CNTNAP2: variants seen among roughly 807,000 people sequenced by gnomAD.
CNTNAP2 encodes contactin associated protein 2.
A neutral mutation model predicts 155.2 loss-of-function variants in CNTNAP2; 98 were observed. The observed-to-expected ratio is 0.63, with a 90% CI of 0.54 to 0.75. CNTNAP2 has a LOEUF of 0.75. CNTNAP2 is among the 30% of genes least tolerant of loss of function. The pLI is 0.00. For synonymous variants in CNTNAP2, 651 were observed against 631.2 expected, an observed-to-expected ratio of 1.03 and a Z score of -0.47; for missense variants, 1,727 against 1,688.1, an observed-to-expected ratio of 1.02 and a Z score of -0.40.
chr7:146,227,163 C>G (rs1332160926), intron 1 of CNTNAP2, among the ~76,000 whole-genome samples: 1 of 152,062 alleles, frequency 6.6e-6, no homozygotes, highest in Admixed American at 6.5e-5. Flanking sequence ...TGGTGGCTCA[C>G]GCCTGTATTC....
At chr7:147,078,624 T>A (rs565878767) in intron 4 of CNTNAP2, among the ~76,000 whole-genome samples, 98 of 152,164 alleles carry the variant, frequency 6.4e-4, no homozygotes, top group African/African-American at 2.2e-3. Context: ...GAACTATAGG[T>A]CCCCTGGCCA....
intron 21 of CNTNAP2, among the ~76,000 whole-genome samples, chr7:148,328,195 A>G (rs192954816): frequency 5.5e-4 from 84 of 152,260 alleles, no homozygotes; most frequent in African/African-American, 1.9e-3. Flanking sequence ...ACTCTGAGGC[A>G]AGCGGGGAGT....
rs114680347 is a variant in CNTNAP2, at chr7:146,471,497, G to T, written c.98-302774G>T. On this transcript the variant is annotated intron_variant, in intron 1 of 23. Transcript: ENST00000361727. ...TTGGACCCAATAGTCTTTTCTGATG[G>T]CAAAAATGTAATGAGTTCCATGATG... 1.8e-3 allele frequency among the ~76,000 whole-genome samples: 275 copies of T among 152,316 alleles called. 1 individual carries two copies. The highest frequency in any genetic ancestry group is 5.9e-3 in the African/African-American group (244 of 41,566).
chr7:146,642,330 C>T (rs1799724657), intron 1 of CNTNAP2, among the ~76,000 whole-genome samples: 1 of 129,142 alleles, frequency 7.7e-6, no homozygotes, highest in Admixed American at 9.4e-5. Flanking sequence ...CACAACAGTC[C>T]ACAGAGTGTG....
intron 3 of CNTNAP2, among the ~76,000 whole-genome samples, chr7:146,931,925 T>C (rs1796768373): frequency 1.3e-5 from 2 of 152,072 alleles, no homozygotes; most frequent in Admixed American, 6.5e-5. Flanking sequence ...TAACAGGCTC[T>C]GAAATTGTGG....
intron 1 of CNTNAP2, among the ~76,000 whole-genome samples, chr7:146,393,743 A>AT (rs59269333): frequency 1.2e-3 from 184 of 147,476 alleles, no homozygotes; most frequent in African/African-American, 2.9e-3. Flanking sequence ...CCATTTAATC[A>AT]TTTTTTTTTT....
intron 9 of CNTNAP2, among the ~76,000 whole-genome samples, chr7:147,339,515 G>A (rs1437818529): frequency 2.6e-5 from 4 of 152,116 alleles, no homozygotes; most frequent in East Asian, 1.9e-4. Flanking sequence ...CAGACTCCAT[G>A]AGCCAAATAA....
intron 1 of CNTNAP2, among the ~76,000 whole-genome samples, chr7:146,218,980 T>C (rs138328395): frequency 1.6e-3 from 247 of 152,274 alleles, no homozygotes; most frequent in African/African-American, 5.7e-3. Context: ...ATATAATTTA[T>C]AGAGGAAAGA....
At chr7:146,385,598 T>G (rs908144011) in intron 1 of CNTNAP2, among the ~76,000 whole-genome samples, 1 of 152,158 alleles carries the variant, frequency 6.6e-6, no homozygotes, top group Non-Finnish European at 1.5e-5. Flanking sequence ...TTGGATGAGA[T>G]TTATTTGATC....
At chr7:146,314,568 T>C (rs1416502589) in intron 1 of CNTNAP2, among the ~76,000 whole-genome samples, 1 of 152,152 alleles carries the variant, frequency 6.6e-6, no homozygotes, top group African/African-American at 2.4e-5. Context: ...GTTGAATGTT[T>C]GCAAGTTTAA....
intron 1 of CNTNAP2, among the ~76,000 whole-genome samples, chr7:146,249,718 C>G (rs1387722165): frequency 6.6e-6 from 1 of 152,112 alleles, no homozygotes; most frequent in Non-Finnish European, 1.5e-5. Flanking sequence ...TCATTAGACA[C>G]TTTTCATTAT....
chr7:148,379,886 A>G (rs942875953), intron 21 of CNTNAP2, among the ~76,000 whole-genome samples: 1 of 151,180 alleles, frequency 6.6e-6, no homozygotes, highest in Non-Finnish European at 1.5e-5. Flanking sequence ...TTCTCACAAC[A>G]CTCCCGCCTC....
intron 21 of CNTNAP2, among the ~76,000 whole-genome samples, chr7:148,353,865 C>T (rs1049815460): frequency 1.3e-5 from 2 of 152,092 alleles, no homozygotes; most frequent in Non-Finnish European, 2.9e-5. Flanking sequence ...AAAAGTAAAC[C>T]AAAAATTCCA....
intron 1 of CNTNAP2, among the ~76,000 whole-genome samples, chr7:146,153,235 T>C (rs1361500813): frequency 6.6e-6 from 1 of 152,158 alleles, no homozygotes. Flanking sequence ...ATTTGTACAA[T>C]GTTTTCATGA....
intron 1 of CNTNAP2, among the ~76,000 whole-genome samples, chr7:146,170,554 A>G (rs1037476028): frequency 3.3e-5 from 5 of 152,104 alleles, no homozygotes; most frequent in African/African-American, 1.2e-4. Flanking sequence ...CACCACTAAT[A>G]TTTTTAAATA....
intron 13 of CNTNAP2, among the ~76,000 whole-genome samples, chr7:147,900,690 C>G (rs1049550241): frequency 6.6e-6 from 1 of 152,096 alleles, no homozygotes; most frequent in Non-Finnish European, 1.5e-5. Context: ...AATCTCTGCT[C>G]ACTGCAACTT....
At chr7:147,708,880 A>T (rs979746596) in intron 13 of CNTNAP2, among the ~76,000 whole-genome samples, 1 of 152,204 alleles carries the variant, frequency 6.6e-6, no homozygotes, top group Non-Finnish European at 1.5e-5. Context: ...GACACGTAGC[A>T]GATGCCTCTA....
rs972970912 is a variant in CNTNAP2 at position 146,658,200 on chromosome 7, A to G, written c.98-116071A>G. Reference sequence around the variant, plus strand: ...AGCGTCCTCTGCATTTAGATTTTCTATTCAACATTCTTGCAATATCTTGAA... The same window carrying G: ...AGCGTCCTCTGCATTTAGATTTTCTGTTCAACATTCTTGCAATATCTTGAA... On this transcript the variant is annotated intron_variant, in intron 1 of 23. Transcript: ENST00000361727. 1.2e-4 allele frequency among the ~76,000 whole-genome samples: 18 copies of G among 152,296 alleles called. No individual in the cohort carries two copies. In the South Asian group the frequency reaches 3.7e-3, roughly 32 times the overall value.
chr7:146,304,883 C>A (rs1800680863), intron 1 of CNTNAP2, among the ~76,000 whole-genome samples: 1 of 152,138 alleles, frequency 6.6e-6, no homozygotes, highest in Non-Finnish European at 1.5e-5. Flanking sequence ...TGGTTCCATT[C>A]TCCCCCTCAC....
Sources: allele counts gnomAD v4.1 joint callset (sites outside exome capture counted in the v4.1 genomes callset), GRCh38; gene constraint gnomAD v4.1.1; transcripts MANE v1.5; gene names NCBI Gene and HGNC (gene_info 2026-07-23, HGNC 2026-07-21).